INPP5A: variants seen among roughly 807,000 people sequenced by gnomAD.
INPP5A encodes 43 kDa inositol polyphosphate 5-phophatase.
INPP5A carries 14 observed loss-of-function variants against 65.2 expected under a neutral mutation model. The observed-to-expected ratio is 0.21, with a 90% CI of 0.14 to 0.34. The LOEUF is 0.34. Among genes scored for constraint, INPP5A ranks in the 10% least tolerant of loss-of-function variants. The pLI, the probability that INPP5A is intolerant of heterozygous loss-of-function variation, is 1.00. For missense variants in INPP5A, 431 were observed against 545.6 expected (o/e 0.79, Z 2.09); for synonymous variants, 207 against 208.3 (o/e 0.99, Z 0.05).
chr10:132,626,941 C>G (rs2072192730), intron 2 of INPP5A, among the ~76,000 whole-genome samples: 1 of 152,134 alleles, frequency 6.6e-6, no homozygotes, highest in Non-Finnish European at 1.5e-5. Context: ...GTGTCATAGA[C>G]CAAATTGTGT....
In INPP5A at chr10:132,556,012, C is replaced by T. The variant is rs1415668546; in HGVS notation, c.75+17841C>T. Among the ~76,000 whole-genome samples, 10 of 151,486 alleles carry T rather than the reference C, an allele frequency of 6.6e-5. No individual in the cohort carries two copies. In the East Asian group the frequency reaches 7.8e-4, roughly 12 times the overall value. ...GGGTGGAACCTGAGTTGGGGTCTGCCGTGCCCTGGTGTCTCGGGGGGCTGC... is the reference window on the plus strand; with the variant it reads ...GGGTGGAACCTGAGTTGGGGTCTGCTGTGCCCTGGTGTCTCGGGGGGCTGC... On this transcript the variant is annotated intron_variant, in intron 1 of 15. Coordinates refer to ENST00000368594, the MANE Select transcript of INPP5A (RefSeq NM_005539.5).
rs913257359 is a variant in INPP5A, at chr10:132,698,560, A to C, written c.474+641A>C. ...CTCTGTGCACGTGATCTTTGGGTAA[A>C]CCTCACACGCGGCATTGTCGGCGTC... is the stretch of plus-strand genomic sequence containing the variant. On this transcript the variant is annotated intron_variant, in intron 6 of 15. Transcript: ENST00000368594. This position sits in a 1 kb window ranked among gnomAD's most constrained non-coding sequence, Gnocchi z 5.5. Among the ~76,000 whole-genome samples the C allele has an allele frequency of 6.6e-6, 1 of 152,010 alleles. No individual in the cohort carries two copies. Among genetic ancestry groups the C allele is most frequent in the Non-Finnish European group, 1.5e-5 (1 of 67,994 alleles).
At chr10:132,615,570 G>C (rs1056090832) in intron 2 of INPP5A, among the ~76,000 whole-genome samples, 1 of 152,230 alleles carries the variant, frequency 6.6e-6, no homozygotes, top group African/African-American at 2.4e-5. Flanking sequence ...GACCGAAGGG[G>C]TGGGACCCAG....
At chr10:132,641,857 G>A (rs2072430740) in intron 2 of INPP5A, among the ~76,000 whole-genome samples, 1 of 152,248 alleles carries the variant, frequency 6.6e-6, no homozygotes. Context: ...TTGCAGATGT[G>A]TGGGAACCCC....
chr10:132,690,384 C>T lies in INPP5A; in HGVS notation c.307-8C>T. On this transcript the variant is annotated splice_polypyrimidine_tract_variant and splice_region_variant and intron_variant, in intron 4 of 15. Transcript: ENST00000368594. ...GTCTCTCATTTGATTTCTCTTTTTG[C>T]TCTACAGGCACTAGGAAGCTTTTAT... 2 of 1,578,648 alleles carry T rather than the reference C, an allele frequency of 1.3e-6. No individual in the cohort carries two copies. Among genetic ancestry groups the T allele is most frequent in the Non-Finnish European group, 1.7e-6 (2 of 1,149,116 alleles).
intron 1 of INPP5A, among the ~76,000 whole-genome samples, chr10:132,586,969 T>A (rs2071553190): frequency 6.6e-6 from 1 of 152,178 alleles, no homozygotes. Context: ...TTTCATCATC[T>A]GTCGGCTTCT....
rs1047115661 is a variant in INPP5A at position 132,704,220 on chromosome 10, G to A, written c.475-4093G>A. The stretch of plus-strand genomic sequence containing the variant: ...TTGAGGCGCCTTGGCCTGCAGGGAC[G>A]GTACCTTTTCTCCTGGAAAGACGCC... On this transcript the variant is annotated intron_variant, in intron 6 of 15. Coordinates refer to ENST00000368594, the MANE Select transcript of INPP5A (RefSeq NM_005539.5). The surrounding 1 kb of genome is among the most constrained non-coding windows in gnomAD (Gnocchi z 4.5). 2.8e-4 allele frequency among the ~76,000 whole-genome samples: 42 copies of A among 152,132 alleles called. No individual in the cohort carries two copies. The highest frequency in any genetic ancestry group is 8.4e-4 in the African/African-American group (35 of 41,504).
chr10:132,721,373 G>A (rs531362169), intron 8 of INPP5A, among the ~76,000 whole-genome samples: 17 of 141,062 alleles, frequency 1.2e-4, no homozygotes, highest in Admixed American at 2.9e-4. Context: ...GCCTTAGACA[G>A]CTGTCTTCAG....
chr10:132,583,501 G>A (rs543903508), intron 1 of INPP5A, among the ~76,000 whole-genome samples: 1 of 152,088 alleles, frequency 6.6e-6, no homozygotes, highest in African/African-American at 2.4e-5. Context: ...AGTATTGAGT[G>A]GTTCACCAGT....
At chr10:132,606,358 G>GT (rs2071851549) in intron 1 of INPP5A, among the ~76,000 whole-genome samples, 1 of 152,114 alleles carries the variant, frequency 6.6e-6, no homozygotes, top group African/African-American at 2.4e-5. Context: ...AGTGGCGTGG[G>GT]CTGATGGCCT....
At chr10:132,682,699 C>A (rs2073062625) in intron 4 of INPP5A, among the ~76,000 whole-genome samples, 1 of 151,964 alleles carries the variant, frequency 6.6e-6, no homozygotes, top group Non-Finnish European at 1.5e-5. Context: ...GTTTAATCAG[C>A]GTGTAAACTG....
intron 8 of INPP5A, among the ~76,000 whole-genome samples, chr10:132,723,632 T>A (rs1365687786): frequency 8.8e-5 from 6 of 68,234 alleles, no homozygotes; most frequent in Admixed American, 4.0e-4. Flanking sequence ...GGGATTGGTT[T>A]TGTGGGGATT....
intron 2 of INPP5A, among the ~76,000 whole-genome samples, chr10:132,619,038 T>C (rs534579358): frequency 6.6e-6 from 1 of 152,296 alleles, no homozygotes; most frequent in African/African-American, 2.4e-5. Context: ...TCTCATGTTC[T>C]TCTCACATTT....
intron 11 of INPP5A, 59 bp from the exon 12 acceptor site, chr10:132,765,714 A>T: frequency 1.0e-6 from 1 of 985,780 alleles, no homozygotes; most frequent in Non-Finnish European, 1.6e-6. Flanking sequence ...ACACAGACAC[A>T]CGTGCCCCCA....
intron 13 of INPP5A, among the ~76,000 whole-genome samples, chr10:132,778,853 C>G (rs1450399245): frequency 2.0e-5 from 3 of 152,258 alleles, no homozygotes; most frequent in South Asian, 4.1e-4. Context: ...CCAGGCACAG[C>G]AAACACCTGG....
intron 1 of INPP5A, among the ~76,000 whole-genome samples, chr10:132,541,178 G>T (rs940196272): frequency 1.3e-5 from 2 of 152,136 alleles, no homozygotes; most frequent in African/African-American, 4.8e-5. Context: ...AGGTTTCGCC[G>T]TGTTGTCCGG....
rs1372637771 is a variant in INPP5A at position 132,603,787 on chromosome 10, A to C, written c.76-4128A>C. Among the ~76,000 whole-genome samples, 1 of 152,022 alleles carries C rather than the reference A, an allele frequency of 6.6e-6. No homozygotes were observed. The highest frequency in any genetic ancestry group is 1.5e-5 in the Non-Finnish European group (1 of 68,018). On this transcript the variant is annotated intron_variant, in intron 1 of 15. Transcript: ENST00000368594. The surrounding 1 kb of genome is among the most constrained non-coding windows in gnomAD (Gnocchi z 4.2). ...GTTTGTAACAGAGACACTCTGTTCC[A>C]CCTTTCCCTGCCTCCGTTTTCAGCC...
At chr10:132,565,322 C>A (rs573347635) in intron 1 of INPP5A, among the ~76,000 whole-genome samples, 11 of 152,346 alleles carry the variant, frequency 7.2e-5, no homozygotes, top group South Asian at 4.1e-4. Flanking sequence ...CCAAAGGCTT[C>A]TCTGAAGCAC....
At chr10:132,692,264 A>G (rs1407474929) in intron 5 of INPP5A, among the ~76,000 whole-genome samples, 2 of 152,216 alleles carry the variant, frequency 1.3e-5, no homozygotes, top group Non-Finnish European at 2.9e-5. Context: ...ATGAGAATAA[A>G]TTTGAAAACA....
Sources: allele counts gnomAD v4.1 joint callset (sites outside exome capture counted in the v4.1 genomes callset), GRCh38; gene constraint gnomAD v4.1.1; non-coding constraint Gnocchi (gnomAD v3.1); transcripts MANE v1.5; gene names NCBI Gene and HGNC (gene_info 2026-07-23, HGNC 2026-07-21).